ARID1B: variants seen among roughly 807,000 people sequenced by gnomAD.
ARID1B encodes AT-rich interactive domain-containing protein 1B.
A neutral mutation model predicts 212.3 loss-of-function variants in ARID1B; 30 were observed. The ratio of observed to expected loss-of-function variants is 0.14; its 90% CI spans 0.11 to 0.19. ARID1B has a LOEUF of 0.19. Ranked by LOEUF, ARID1B falls within the 10% of genes least tolerant of loss-of-function variation. The probability of loss-of-function intolerance (pLI) is 1.00; values close to 1 mark genes in which losing one functional copy is unlikely to be tolerated. For synonymous variants in ARID1B, 1,402 were observed against 1,301.7 expected (o/e 1.08, Z -1.66); for missense variants, 2,891 against 3,204.0 (o/e 0.90, Z 2.36).
At chr6:157,039,418 CTT>C in intron 4 of ARID1B, among the ~76,000 whole-genome samples, 1 of 145,618 alleles carries the variant, frequency 6.9e-6, no homozygotes, top group Middle Eastern at 3.4e-3. Flanking sequence ...GCAAGCTCCG[CTT>C]CCCGGGTTCA....
chr6:157,203,195 A>G lies in ARID1B; in HGVS notation c.5264-671A>G, dbSNP rs1451224377. Among the ~76,000 whole-genome samples the G allele has an allele frequency of 1.3e-5, 2 of 152,162 alleles. No individual in the cohort carries two copies. Among genetic ancestry groups the G allele is most frequent in the Admixed American group, 6.5e-5 (1 of 15,276 alleles). On this transcript the variant is annotated intron_variant, in intron 18 of 19. Transcript: ENST00000636930. The surrounding 1 kb of genome is among the most constrained non-coding windows in gnomAD (Gnocchi z 4.4). ...GCTGGGTCTCATGGCAAATCTTCCA[A>G]ACTTTCTACCTGATCATTTTGTTTC...
At chr6:157,086,261 C>T (rs931255386) in intron 5 of ARID1B, among the ~76,000 whole-genome samples, 11 of 152,178 alleles carry the variant, frequency 7.2e-5, no homozygotes, top group African/African-American at 9.7e-5. Context: ...TATAGGTATA[C>T]GCTCAGTGCA....
intron 16 of ARID1B, among the ~76,000 whole-genome samples, chr6:157,198,239 G>A (rs1352876272): frequency 2.6e-5 from 4 of 152,206 alleles, no homozygotes; most frequent in Admixed American, 1.3e-4. Context: ...GCATAGGACT[G>A]TGAAATTCTG....
chr6:156,912,482 C>T (rs1406763505), intron 3 of ARID1B, among the ~76,000 whole-genome samples: 1 of 152,052 alleles, frequency 6.6e-6, no homozygotes, highest in Non-Finnish European at 1.5e-5. Flanking sequence ...GGAGGGAAGA[C>T]CCTGCTATTT....
intron 7 of ARID1B, among the ~76,000 whole-genome samples, chr6:157,145,326 CTG>C (rs1429084398): frequency 1.3e-5 from 2 of 152,192 alleles, no homozygotes; most frequent in African/African-American, 2.4e-5. Context: ...CCACTCCCAT[CTG>C]TGTGTGTGGC....
At chr6:156,887,654 T>C (rs9384508) in intron 2 of ARID1B, among the ~76,000 whole-genome samples, 42,859 of 151,966 alleles carry the variant, frequency 0.28, 6,214 homozygotes, top group Non-Finnish European at 0.33. Context: ...AAAAAGGATA[T>C]AGGAAGGCTG....
chr6:156,806,346 C>T (rs1279270301), intron 1 of ARID1B, among the ~76,000 whole-genome samples: 1 of 152,220 alleles, frequency 6.6e-6, no homozygotes, highest in Non-Finnish European at 1.5e-5. Context: ...AGTTGAAGAA[C>T]AGGTTCTACC....
At chr6:156,994,497 T>C (rs1405535282) in intron 4 of ARID1B, among the ~76,000 whole-genome samples, 1 of 150,392 alleles carries the variant, frequency 6.6e-6, no homozygotes, top group South Asian at 2.1e-4. Context: ...TTAAAACAAA[T>C]ATACAAAAAA....
chr6:157,132,289 G>A (rs145046017), intron 6 of ARID1B, among the ~76,000 whole-genome samples: 36 of 152,326 alleles, frequency 2.4e-4, no homozygotes, highest in African/African-American at 3.4e-4. Flanking sequence ...CCTTGTGGGC[G>A]TCCCATGTGT....
At chr6:156,988,412 T>G (rs1778067528) in intron 4 of ARID1B, among the ~76,000 whole-genome samples, 3 of 152,144 alleles carry the variant, frequency 2.0e-5, no homozygotes, top group Admixed American at 2.0e-4. Flanking sequence ...TGTGCTTATC[T>G]CAGGGGATTC....
rs368165502 is a variant in ARID1B, at chr6:157,142,397, G to A, written c.2762-6227G>A. Among the ~76,000 whole-genome samples the A allele has an allele frequency of 1.9e-4, 29 of 152,256 alleles. No individual in the cohort carries two copies. The South Asian group carries it at 6.0e-3, about 32-fold the overall frequency. On this transcript the variant is annotated intron_variant, in intron 7 of 19. Transcript: ENST00000636930. Reference sequence around the variant, plus strand: ...TCACAGCACTTTGGGAGGCCCGCGCGGGTATATTGTTTGAGGCCAGGTGTT... The same window carrying A: ...TCACAGCACTTTGGGAGGCCCGCGCAGGTATATTGTTTGAGGCCAGGTGTT...
intron 4 of ARID1B, among the ~76,000 whole-genome samples, chr6:157,039,816 TTTTCTCTC>T (rs1379528481): frequency 2.7e-4 from 37 of 137,312 alleles, no homozygotes; most frequent in African/African-American, 9.1e-4. Context: ...CTTTCTTTCT[TTTTCTCTC>T]TTTCTCTCTT....
At chr6:156,977,880 G>GA (rs1383806322) in intron 4 of ARID1B, among the ~76,000 whole-genome samples, 1 of 152,152 alleles carries the variant, frequency 6.6e-6, no homozygotes, top group Non-Finnish European at 1.5e-5. Context: ...TAAGCTTTGG[G>GA]AGGTGGGACA....
chr6:157,191,038 G>T (rs1056534714), intron 15 of ARID1B, among the ~76,000 whole-genome samples: 5 of 152,150 alleles, frequency 3.3e-5, no homozygotes, highest in East Asian at 3.9e-4. Context: ...GTCTGTGGGC[G>T]TATTGATGAA....
chr6:157,091,970 C>T (rs1296421335), intron 5 of ARID1B, among the ~76,000 whole-genome samples: 1 of 151,982 alleles, frequency 6.6e-6, no homozygotes, highest in Non-Finnish European at 1.5e-5. Flanking sequence ...TTTGGCTTCA[C>T]TGGAGGTGGA....
At chr6:156,894,279 T>TGGGGGCCGGGGGGTTGGGAG in intron 2 of ARID1B, among the ~76,000 whole-genome samples, 2 of 6,390 alleles carry the variant, frequency 3.1e-4, no homozygotes, top group African/African-American at 6.2e-4. Context: ...GGGGTTGGGA[T>TGGGGGCCGGGGGGTTGGGAG]GGGGGCCGGG....
intron 1 of ARID1B, 149 bp from the exon 2 acceptor site, chr6:156,829,078 C>A: frequency 1.6e-6 from 1 of 627,600 alleles, no homozygotes; most frequent in Non-Finnish European, 2.6e-6. Context: ...TCTTTAATGT[C>A]TTGCTGGATG....
chr6:157,140,488 A>G (rs1789268852), intron 7 of ARID1B: 4 of 395,786 alleles, frequency 1.0e-5, no homozygotes, highest in Non-Finnish European at 1.8e-5. Flanking sequence ...TAAAAAGAAC[A>G]CTTTTTGCCT....
chr6:156,976,009 C>T (rs1033270238), intron 4 of ARID1B, among the ~76,000 whole-genome samples: 3 of 151,472 alleles, frequency 2.0e-5, no homozygotes, highest in African/African-American at 4.9e-5. Context: ...AAGGGTGGAG[C>T]GGGTGTATCG....
Sources: allele counts gnomAD v4.1 joint callset (sites outside exome capture counted in the v4.1 genomes callset), GRCh38; gene constraint gnomAD v4.1.1; non-coding constraint Gnocchi (gnomAD v3.1); transcripts MANE v1.5; gene names NCBI Gene and HGNC (gene_info 2026-07-23, HGNC 2026-07-21).